SHISA6: variants seen among roughly 807,000 people sequenced by gnomAD.
SHISA6 encodes the protein protein shisa-6.
A neutral mutation model predicts 47.9 loss-of-function variants in SHISA6; 22 were observed. The ratio of observed to expected loss-of-function variants is 0.46; its 90% CI spans 0.33 to 0.66. The LOEUF is 0.66. Among genes scored for constraint, SHISA6 ranks in the 30% least tolerant of loss-of-function variants. The pLI is 0.02. For missense variants in SHISA6, 680 were observed against 764.6 expected, an observed-to-expected ratio of 0.89 and a Z score of 1.30; for synonymous variants, 388 against 337.8, an observed-to-expected ratio of 1.15 and a Z score of -1.63.
At chr17:11,467,688 C>T (rs1915844844) in intron 3 of SHISA6, among the ~76,000 whole-genome samples, 1 of 152,134 alleles carries the variant, frequency 6.6e-6, no homozygotes, top group Non-Finnish European at 1.5e-5. Flanking sequence ...AGTGAGAATA[C>T]ATAAGGGATT....
At chr17:11,314,693 G>A (rs540032923) in intron 2 of SHISA6, among the ~76,000 whole-genome samples, 177 of 151,846 alleles carry the variant, frequency 1.2e-3, no homozygotes, top group Non-Finnish European at 2.2e-3. Context: ...CCACCTCCAC[G>A]CCTGGCTAAT....
rs926874559 is a variant in SHISA6, at chr17:11,407,175, C to T, written c.895+27666C>T. Among the ~76,000 whole-genome samples, 35 of 151,778 alleles carry T rather than the reference C, an allele frequency of 2.3e-4. 1 individual carries two copies. Among genetic ancestry groups the T allele is most frequent in the Non-Finnish European group, 4.0e-4 (27 of 67,992 alleles). On this transcript the variant is annotated intron_variant, in intron 3 of 5. Transcript: ENST00000441885. ...TATTAACTCATTTATACAACATAAC[C>T]GTCTTACAAGATAACCACTATTAGT...
intron 3 of SHISA6, among the ~76,000 whole-genome samples, chr17:11,402,661 T>C (rs1436915697): frequency 1.3e-5 from 2 of 152,236 alleles, no homozygotes; most frequent in Non-Finnish European, 2.9e-5. Flanking sequence ...TCCATGTGTA[T>C]GTCATTGGCC....
At chr17:11,340,477 G>T (rs1010208763) in intron 2 of SHISA6, among the ~76,000 whole-genome samples, 3 of 152,170 alleles carry the variant, frequency 2.0e-5, no homozygotes, top group Admixed American at 6.5e-5. Context: ...AAGCTTCCAG[G>T]CCCAGGAATG....
chr17:11,366,241 G>A lies in SHISA6; in HGVS notation c.800-13173G>A, dbSNP rs149109845. 6.8e-3 allele frequency among the ~76,000 whole-genome samples: 1,033 copies of A among 152,308 alleles called. 13 individuals carry two copies. The highest frequency in any genetic ancestry group is 0.023 in the African/African-American group (955 of 41,566). Reference sequence around the variant, plus strand: ...TGGCTCACTGCAACCTCCACCTCCCGGGCTCAGGTGATCCTCCCACCTAAG... The same window carrying A: ...TGGCTCACTGCAACCTCCACCTCCCAGGCTCAGGTGATCCTCCCACCTAAG... On this transcript the variant is annotated intron_variant, in intron 2 of 5. Coordinates refer to ENST00000441885, the MANE Select transcript of SHISA6 (RefSeq NM_207386.4).
chr17:11,443,507 A>C (rs1277833517), intron 3 of SHISA6, among the ~76,000 whole-genome samples: 1 of 152,232 alleles, frequency 6.6e-6, no homozygotes, highest in African/African-American at 2.4e-5. Flanking sequence ...AGATCAGGCA[A>C]GATTCACAGG....
chr17:11,491,883 T>C (rs1916494813), intron 3 of SHISA6, among the ~76,000 whole-genome samples: 1 of 150,636 alleles, frequency 6.6e-6, no homozygotes, highest in Non-Finnish European at 1.5e-5. Flanking sequence ...GCAATTCTCC[T>C]GCCTCAGCCT....
chr17:11,456,226 T>C (rs1915529724), intron 3 of SHISA6, among the ~76,000 whole-genome samples: 1 of 152,162 alleles, frequency 6.6e-6, no homozygotes, highest in Non-Finnish European at 1.5e-5. Context: ...ACATGGGCCC[T>C]GCCAAACCCA....
intron 3 of SHISA6, among the ~76,000 whole-genome samples, chr17:11,424,150 T>C (rs1480444746): frequency 6.6e-6 from 1 of 151,404 alleles, no homozygotes; most frequent in African/African-American, 2.4e-5. Context: ...GATGGTAGAG[T>C]AGTTTTCAAC....
intron 3 of SHISA6, among the ~76,000 whole-genome samples, chr17:11,550,761 G>A (rs577443014): frequency 6.6e-6 from 1 of 152,310 alleles, no homozygotes; most frequent in Admixed American, 6.5e-5. Context: ...GATCAAGATG[G>A]ACCTTGAGCT....
chr17:11,276,851 C>T (rs1020759989), intron 2 of SHISA6, among the ~76,000 whole-genome samples: 9 of 152,168 alleles, frequency 5.9e-5, no homozygotes, highest in Non-Finnish European at 1.2e-4. Context: ...TAGGTATCTT[C>T]TCAGTTCAAG....
At chr17:11,259,478 A>C (rs1908145222) in intron 1 of SHISA6, among the ~76,000 whole-genome samples, 1 of 152,220 alleles carries the variant, frequency 6.6e-6, no homozygotes, top group Non-Finnish European at 1.5e-5. Flanking sequence ...CTGTGAGGCA[A>C]AGTTATGAAC....
At chr17:11,395,356 C>T (rs1051602515) in intron 3 of SHISA6, among the ~76,000 whole-genome samples, 6 of 152,010 alleles carry the variant, frequency 3.9e-5, no homozygotes, top group Admixed American at 1.3e-4. Context: ...TTCTCTGCCA[C>T]AGGCCCTCTA....
In SHISA6 at chr17:11,241,465, G is replaced by A; in HGVS notation, c.43G>A (p.Glu15Lys). 1 of 1,216,170 alleles carries A rather than the reference G, an allele frequency of 8.2e-7. No homozygotes were observed. The allele number at this position is 1,216,170 out of a possible 1,614,324, so 75.3% of individuals were successfully genotyped here. ...CCTGCTGCTGCTGCTGCTCTCGCTG[G>A]AGTCCCTGGACCTGCTGCCCAGCGT... ...RLLLLLLLSL[E>K]SLDLLPSVHG... Residue 15 changes from glutamate (E) to lysine (K), a missense_variant, in exon 1 of 6, where the codon GAG becomes AAG. By Grantham distance (56) the Glu-to-Lys change is moderately conservative. Transcript: ENST00000441885. This position sits in a 1 kb window ranked among gnomAD's most constrained non-coding sequence, Gnocchi z 5.5.
At chr17:11,482,285 A>T (rs1916240596) in intron 3 of SHISA6, among the ~76,000 whole-genome samples, 1 of 152,230 alleles carries the variant, frequency 6.6e-6, no homozygotes, top group Non-Finnish European at 1.5e-5. Context: ...CCTGGCAAGA[A>T]ATTTAAAAAG....
At chr17:11,475,603 C>T (rs969097811) in intron 3 of SHISA6, among the ~76,000 whole-genome samples, 4 of 151,992 alleles carry the variant, frequency 2.6e-5, no homozygotes, top group African/African-American at 9.7e-5. Flanking sequence ...TAAAGTTGAG[C>T]CAGCTTTGCA....
chr17:11,256,937 G>A (rs1050335291), intron 1 of SHISA6, among the ~76,000 whole-genome samples: 8 of 152,162 alleles, frequency 5.3e-5, no homozygotes, highest in South Asian at 2.1e-4. Flanking sequence ...AAACTCGCTC[G>A]GCTTGCCTGA....
At chr17:11,488,201 C>T (rs886446360) in intron 3 of SHISA6, among the ~76,000 whole-genome samples, 11 of 151,742 alleles carry the variant, frequency 7.2e-5, no homozygotes, top group Admixed American at 2.0e-4. Context: ...ATAGTGTCTG[C>T]GAATTGGCCC....
chr17:11,481,888 T>C lies in SHISA6; in HGVS notation c.896-70008T>C, dbSNP rs1361091192. Among the ~76,000 whole-genome samples the C allele has an allele frequency of 6.6e-5, 10 of 151,742 alleles. No individual in the cohort carries two copies. The South Asian group carries it at 1.5e-3, about 22-fold the overall frequency. On this transcript the variant is annotated intron_variant, in intron 3 of 5. Transcript: ENST00000441885. Reference sequence around the variant, plus strand: ...GCACTGGGAGTGGCAAAGAGCAAAATTGATGCCATAAAAAAATGCCATAAA... The same window carrying C: ...GCACTGGGAGTGGCAAAGAGCAAAACTGATGCCATAAAAAAATGCCATAAA...
Sources: allele counts gnomAD v4.1 joint callset (sites outside exome capture counted in the v4.1 genomes callset), GRCh38; gene constraint gnomAD v4.1.1; non-coding constraint Gnocchi (gnomAD v3.1); transcripts MANE v1.5; gene names NCBI Gene and HGNC (gene_info 2026-07-23, HGNC 2026-07-21).